Variants in LYST observed in about 807,000 individuals in gnomAD.
LYST encodes the protein lysosomal-trafficking regulator.
LYST carries 192 observed loss-of-function variants against 413.6 expected under a neutral mutation model. The observed-to-expected ratio is 0.46, with a 90% CI of 0.41 to 0.52. LYST has a LOEUF of 0.52. Among genes scored for constraint, LYST ranks in the 20% least tolerant of loss-of-function variants. LYST has a pLI of 0.00. For synonymous variants in LYST, 1,525 were observed against 1,567.3 expected (o/e 0.97, Z 0.64); for missense variants, 3,815 against 4,499.9 (o/e 0.85, Z 4.35).
At chr1:235,859,173 A>C (rs1370891644) in intron 1 of LYST, among the ~76,000 whole-genome samples, 1 of 152,194 alleles carries the variant, frequency 6.6e-6, no homozygotes, top group Non-Finnish European at 1.5e-5. Context: ...AAACAGGAAG[A>C]TACATCATTC....
intron 13 of LYST, 87 bp downstream of exon 13, chr1:235,788,613 CT>C: frequency 7.7e-7 from 1 of 1,307,026 alleles, no homozygotes; most frequent in Admixed American, 1.9e-5. Flanking sequence ...CTATAATGAA[CT>C]TTTATTAGTA....
At chr1:235,732,182 T>C (rs1664443742) in intron 34 of LYST, among the ~76,000 whole-genome samples, 1 of 152,204 alleles carries the variant, frequency 6.6e-6, no homozygotes, top group Admixed American at 6.5e-5. Context: ...TCATTTTGAA[T>C]GGCTGCCCAA....
intron 50 of LYST, among the ~76,000 whole-genome samples, chr1:235,675,515 G>C (rs1659315223): frequency 1.3e-5 from 2 of 152,130 alleles, no homozygotes; most frequent in African/African-American, 4.8e-5. Flanking sequence ...GTGCCTTCCT[G>C]AGAAATCTTC....
At chr1:235,728,223 G>A in intron 37 of LYST, 92 bp from the exon 38 acceptor site, 1 of 899,604 alleles carries the variant, frequency 1.1e-6, no homozygotes, top group East Asian at 2.4e-5. Context: ...CCTTTGGTCT[G>A]AATTTGAATC....
At chr1:235,858,606 C>T (rs1216503045) in intron 1 of LYST, among the ~76,000 whole-genome samples, 3 of 152,202 alleles carry the variant, frequency 2.0e-5, no homozygotes, top group Admixed American at 6.5e-5. Flanking sequence ...TCATTATCCA[C>T]ATTTACCAGC....
chr1:235,746,569 A>G, intron 28 of LYST, 42 bp from the exon 29 acceptor site: 2 of 1,459,502 alleles, frequency 1.4e-6, no homozygotes, highest in South Asian at 2.3e-5. Context: ...CCCAGTGTTA[A>G]TAAGGATCAA....
At chr1:235,669,059 G>A (rs1165580613) in intron 50 of LYST, among the ~76,000 whole-genome samples, 1 of 152,196 alleles carries the variant, frequency 6.6e-6, no homozygotes, top group African/African-American at 2.4e-5. Context: ...ACAGGTATCT[G>A]TGGTATAATG....
At chr1:235,877,518 T>C (rs1278540462) in intron 1 of LYST, among the ~76,000 whole-genome samples, 1 of 152,174 alleles carries the variant, frequency 6.6e-6, no homozygotes, top group Admixed American at 6.5e-5. Context: ...GCAATTCTCC[T>C]GCCTCTGCCT....
chr1:235,782,704 A>C (rs1467895464), intron 14 of LYST, among the ~76,000 whole-genome samples: 1 of 152,122 alleles, frequency 6.6e-6, no homozygotes, highest in Non-Finnish European at 1.5e-5. Flanking sequence ...TACAGATATA[A>C]ACCAACCACC....
At chr1:235,764,426 A>G (rs1033502208) in intron 21 of LYST, among the ~76,000 whole-genome samples, 3 of 150,696 alleles carry the variant, frequency 2.0e-5, no homozygotes, top group Non-Finnish European at 4.4e-5. Context: ...AAGTCATGCT[A>G]TCTAATTTCA....
intron 1 of LYST, among the ~76,000 whole-genome samples, chr1:235,880,916 C>T (rs955441388): frequency 3.9e-5 from 6 of 152,058 alleles, no homozygotes; most frequent in Admixed American, 1.3e-4. Context: ...GCCAGAGGTC[C>T]GGAGTTCAAG....
At chr1:235,729,713 G>A in intron 36 of LYST, 56 bp from the exon 37 acceptor site, 2 of 1,219,878 alleles carry the variant, frequency 1.6e-6, no homozygotes, top group Non-Finnish European at 2.4e-6. Flanking sequence ...ATTTCAGAGA[G>A]GATATGCTTT....
chr1:235,871,728 A>AT (rs988098894), upstream of LYST, among the ~76,000 whole-genome samples: 8 of 152,174 alleles, frequency 5.3e-5, no homozygotes, highest in African/African-American at 1.9e-4. Flanking sequence ...GTAGTCTCTA[A>AT]TAAACTATCT....
chr1:235,823,951 A>G (rs1675058797), intron 3 of LYST, among the ~76,000 whole-genome samples: 1 of 152,226 alleles, frequency 6.6e-6, no homozygotes, highest in Non-Finnish European at 1.5e-5. Context: ...GTGCTGGGCC[A>G]TAGTAGGTAC....
At chr1:235,774,634 G>A (rs1669044755) in intron 18 of LYST, among the ~76,000 whole-genome samples, 1 of 151,912 alleles carries the variant, frequency 6.6e-6, no homozygotes, top group African/African-American at 2.4e-5. Context: ...CAGAATGAAG[G>A]GACAGCATGG....
intron 34 of LYST, 65 bp from the exon 35 acceptor site, chr1:235,731,242 T>A: frequency 7.0e-7 from 1 of 1,418,486 alleles, no homozygotes; most frequent in Middle Eastern, 1.8e-4. Flanking sequence ...ATAAAAAAAA[T>A]CATTATAGAG....
At chr1:235,731,369 T>C (rs547379800) in intron 34 of LYST, among the ~76,000 whole-genome samples, 192 bp from the exon 35 acceptor site, 2 of 152,310 alleles carry the variant, frequency 1.3e-5, no homozygotes, top group Non-Finnish European at 2.9e-5. Context: ...TTTTTGCTCC[T>C]GAATCCCAGT....
At chr1:235,696,527 C>A (rs892327786) in intron 46 of LYST, among the ~76,000 whole-genome samples, 5 of 152,166 alleles carry the variant, frequency 3.3e-5, no homozygotes, top group African/African-American at 1.2e-4. Context: ...AGGGACTGCT[C>A]AAATGCAAAA....
chr1:235,804,702 C>T lies in LYST; in HGVS notation c.3394-37G>A, dbSNP rs774236210. The T allele has an allele frequency of 1.9e-5, 23 of 1,232,446 alleles. No homozygotes were observed. In the South Asian group the frequency reaches 2.8e-4, roughly 15 times the overall value. The allele number at this position is 1,232,446 out of a possible 1,614,324, so 76.3% of individuals were successfully genotyped here. A position where few individuals can be genotyped will look rare whatever the true frequency, so the allele number is the denominator to read the frequency against. On this transcript the variant is annotated intron_variant, in intron 6 of 52. Transcript: ENST00000389793. ...TAAAAGAGACTAAGAATATTAATAACCATTTTAAAAAACTAAATGATGAAA... is the reference window on the plus strand; with the variant it reads ...TAAAAGAGACTAAGAATATTAATAATCATTTTAAAAAACTAAATGATGAAA...
Sources: allele counts gnomAD v4.1 joint callset (sites outside exome capture counted in the v4.1 genomes callset), GRCh38; gene constraint gnomAD v4.1.1; transcripts MANE v1.5; gene names NCBI Gene and HGNC (gene_info 2026-07-23, HGNC 2026-07-21).